Variants in ANAPC1 observed in about 807,000 individuals in gnomAD.
ANAPC1 encodes anaphase promoting complex subunit 1.
A neutral mutation model predicts 208.0 loss-of-function variants in ANAPC1; 36 were observed. The observed-to-expected ratio is 0.17, with a 90% CI of 0.13 to 0.23. The LOEUF (loss-of-function observed/expected upper bound fraction) is 0.23, where lower values mean the gene tolerates loss of function less well. ANAPC1 is among the 10% of genes least tolerant of loss of function. The pLI is 1.00. For missense variants in ANAPC1, 942 were observed against 2,011.6 expected, an observed-to-expected ratio of 0.47 and a Z score of 10.17; for synonymous variants, 378 against 695.2, an observed-to-expected ratio of 0.54 and a Z score of 7.18.
chr2:111,843,412 A>G lies in ANAPC1; in HGVS notation c.2040T>C (p.Asn680=). 6.2e-7 allele frequency: 1 copy of G among 1,611,938 alleles called. No individual in the cohort carries two copies. The highest frequency in any genetic ancestry group is 8.5e-7 in the Non-Finnish European group (1 of 1,179,820). The part of the protein sequence containing the change: ...YNTDRLAWTR[N]FDFEGSLSPV... ...AAAGAAAACAATAGTATTTACTTAC[A>G]TTTCTAGTCCATGCTAAGCGGTCTG... The change falls in exon 17 of 48, where the codon AAT becomes AAC. Residue 680 remains asparagine (N), a splice_region_variant and synonymous_variant. Coordinates refer to ENST00000341068, the MANE Select transcript of ANAPC1 (RefSeq NM_022662.4).
chr2:111,846,435 G>A (rs1404944900), intron 16 of ANAPC1, among the ~76,000 whole-genome samples: 1 of 135,182 alleles, frequency 7.4e-6, no homozygotes. Flanking sequence ...ATACATTACA[G>A]AAAAAAAAAC....
chr2:111,792,873 A>C (rs950417043), intron 37 of ANAPC1, among the ~76,000 whole-genome samples: 1 of 152,164 alleles, frequency 6.6e-6, no homozygotes. Context: ...GAATGGCGTG[A>C]ACCCGGGGTG....
At chr2:111,856,151 T>C (rs763502060) in intron 13 of ANAPC1, among the ~76,000 whole-genome samples, 168 of 152,182 alleles carry the variant, frequency 1.1e-3, no homozygotes, top group Non-Finnish European at 2.0e-3. Context: ...AGGAGAATAG[T>C]GTGAACCCGG....
chr2:111,864,144 T>C (rs186398004), intron 8 of ANAPC1, among the ~76,000 whole-genome samples: 3,294 of 151,946 alleles, frequency 0.022, 108 homozygotes, highest in African/African-American at 0.074. Context: ...CTGGGCAACA[T>C]AGCAAGATCC....
Position 111,825,782 on chromosome 2 carries a change from G to C in ANAPC1, c.2699C>G (p.Thr900Ser), listed in dbSNP as rs777281623. The C allele has an allele frequency of 1.2e-6, 2 of 1,613,398 alleles. No homozygotes were observed. The highest frequency in any genetic ancestry group is 1.7e-6 in the Non-Finnish European group (2 of 1,179,486). ...DESSQYLTRI[T>S]IAPQKLQVEQ... ...GCAACATTGCACCAACTTACCTATA[G>C]TTATTCTGGTTAAATACTGTGAGGA... The change falls in exon 22 of 48, where the codon ACT becomes AGT. Residue 900 changes from threonine to serine, a missense_variant. Coordinates refer to ENST00000341068, the MANE Select transcript of ANAPC1 (RefSeq NM_022662.4).
intron 10 of ANAPC1, among the ~76,000 whole-genome samples, chr2:111,861,023 T>C (rs1448680002): frequency 6.6e-6 from 1 of 152,228 alleles, no homozygotes; most frequent in Non-Finnish European, 1.5e-5. Context: ...AGTGCCTTCT[T>C]ACCGCTGTCA....
chr2:111,880,369 T>A, intron 2 of ANAPC1: 6 of 903,888 alleles, frequency 6.6e-6, no homozygotes, highest in Non-Finnish European at 8.8e-6. Flanking sequence ...CAAAACTTCA[T>A]CTCAAACAAA....
intron 13 of ANAPC1, among the ~76,000 whole-genome samples, chr2:111,853,706 T>A (rs1001035919): frequency 1.3e-4 from 19 of 151,682 alleles, no homozygotes; most frequent in African/African-American, 4.6e-4. Flanking sequence ...GAAAGGTGAA[T>A]CCTTTCCAGA....
At chr2:111,879,683 C>A (rs2104613245) in intron 2 of ANAPC1, among the ~76,000 whole-genome samples, 1 of 151,978 alleles carries the variant, frequency 6.6e-6, no homozygotes, top group Non-Finnish European at 1.5e-5. Flanking sequence ...CTAGCCTGAC[C>A]AACATGGAGA....
Position 111,794,213 on chromosome 2 carries a change from T to C in ANAPC1, c.4464+20A>G, listed in dbSNP as rs773890786. The C allele has an allele frequency of 3.6e-5, 57 of 1,590,754 alleles. No homozygotes were observed. In the South Asian group the frequency reaches 6.7e-4, roughly 19 times the overall value. ...AAACAAACAAAAAAAAAGAACACAGTAAACTAAAATACTTCTTACCAAACA... is the reference window on the plus strand; with the variant it reads ...AAACAAACAAAAAAAAAGAACACAGCAAACTAAAATACTTCTTACCAAACA... On this transcript the variant is annotated intron_variant, in intron 36 of 47. Transcript: ENST00000341068.
chr2:111,831,701 C>T (rs1680142514), intron 20 of ANAPC1, among the ~76,000 whole-genome samples: 1 of 150,624 alleles, frequency 6.6e-6, no homozygotes, highest in Non-Finnish European at 1.5e-5. Context: ...ATTAGCTGGG[C>T]CTAGTGGTGC....
At chr2:111,797,935 A>AT (rs961110485) in intron 34 of ANAPC1, among the ~76,000 whole-genome samples, 1 of 120,962 alleles carries the variant, frequency 8.3e-6, no homozygotes, top group Non-Finnish European at 1.7e-5. Flanking sequence ...CACTAGATAC[A>AT]TTTTCCTTTC....
chr2:111,861,442 TA>T (rs1682059084), intron 10 of ANAPC1, among the ~76,000 whole-genome samples: 1 of 152,164 alleles, frequency 6.6e-6, no homozygotes, highest in Non-Finnish European at 1.5e-5. Flanking sequence ...TGTAATTCCC[TA>T]AATACACCAC....
intron 18 of ANAPC1, among the ~76,000 whole-genome samples, chr2:111,835,766 T>G (rs1404752798): frequency 6.6e-6 from 1 of 152,082 alleles, no homozygotes; most frequent in Non-Finnish European, 1.5e-5. Context: ...GGCATGAACC[T>G]GGGAGGCAGA....
At chr2:111,853,449 C>G (rs997680215) in intron 13 of ANAPC1, among the ~76,000 whole-genome samples, 3 of 151,960 alleles carry the variant, frequency 2.0e-5, no homozygotes, top group Admixed American at 6.6e-5. Context: ...TTTGGCAATT[C>G]TGTTCAAGTT....
At chr2:111,816,639 T>C (rs2944548) in intron 27 of ANAPC1, among the ~76,000 whole-genome samples, 4 of 145,722 alleles carry the variant, frequency 2.7e-5, no homozygotes, top group Admixed American at 6.9e-5. Flanking sequence ...ATTTTGAATA[T>C]TGTCTTAAGT....
At chr2:111,870,675 T>G (rs183774148) in intron 6 of ANAPC1, among the ~76,000 whole-genome samples, 1 of 152,366 alleles carries the variant, frequency 6.6e-6, no homozygotes, top group African/African-American at 2.4e-5. Context: ...ACATTTCTTT[T>G]GCTGTGCAGA....
At chr2:111,872,346 T>C (rs1245448762) in intron 6 of ANAPC1, among the ~76,000 whole-genome samples, 1 of 152,208 alleles carries the variant, frequency 6.6e-6, no homozygotes, top group East Asian at 1.9e-4. Flanking sequence ...TCATGACATA[T>C]CTTTTTGATG....
Position 111,864,901 on chromosome 2 carries a change from T to A in ANAPC1, c.736A>T (p.Ile246Phe). Residue 246 changes from isoleucine to phenylalanine, a missense_variant, in exon 8 of 48, where the codon ATT (isoleucine) becomes TTT (phenylalanine). By Grantham distance (21) the Ile-to-Phe change is conservative. Transcript: ENST00000341068. ...GAGGGGTCAGTATTGAGGAAAACAA[T>A]TTTCATTGCATGATCTACAACATAT... is the stretch of plus-strand genomic sequence containing the variant. ...VQYVVDHAMK[I>F]VFLNTDPSIV... The A allele has an allele frequency of 6.2e-7, 1 of 1,611,642 alleles. No homozygotes were observed. The highest frequency in any genetic ancestry group is 8.5e-7 in the Non-Finnish European group (1 of 1,179,756).
Sources: allele counts gnomAD v4.1 joint callset (sites outside exome capture counted in the v4.1 genomes callset), GRCh38; gene constraint gnomAD v4.1.1; transcripts MANE v1.5; gene names NCBI Gene and HGNC (gene_info 2026-07-23, HGNC 2026-07-21).